The following AGBL4 variants were observed in gnomAD, a reference collection of about 807,000 sequenced individuals.
AGBL4 encodes AGBL carboxypeptidase 4.
Under a neutral mutation model 66.4 loss-of-function variants are expected in AGBL4, and 58 were observed. That is an observed-to-expected ratio of 0.87 (90% CI 0.71 to 1.09). AGBL4 has a LOEUF of 1.09. Ranked by LOEUF, AGBL4 falls within the 50% of genes least tolerant of loss-of-function variation. The pLI is 0.00. For missense variants in AGBL4, 579 were observed against 631.0 expected, an observed-to-expected ratio of 0.92 and a Z score of 0.88; for synonymous variants, 234 against 222.9, an observed-to-expected ratio of 1.05 and a Z score of -0.44.
chr1:49,226,317 C>A (rs1267579344), intron 4 of AGBL4, among the ~76,000 whole-genome samples: 1 of 151,976 alleles, frequency 6.6e-6, no homozygotes, highest in African/African-American at 2.4e-5. Flanking sequence ...TTAAGGTGCA[C>A]AAAGATATTA....
chr1:48,823,334 C>G (rs1646355876), intron 6 of AGBL4, among the ~76,000 whole-genome samples: 1 of 152,336 alleles, frequency 6.6e-6, no homozygotes, highest in Non-Finnish European at 1.5e-5. Flanking sequence ...CCAACATCCC[C>G]TGCTAAGTAA....
intron 5 of AGBL4, among the ~76,000 whole-genome samples, chr1:48,993,524 C>T (rs1571182170): frequency 6.6e-6 from 1 of 152,210 alleles, no homozygotes; most frequent in East Asian, 1.9e-4. Context: ...TGGCTGATGC[C>T]CCTCAAGTTC....
At chr1:50,014,378 A>T (rs965721804) in intron 1 of AGBL4, among the ~76,000 whole-genome samples, 13 of 151,792 alleles carry the variant, frequency 8.6e-5, no homozygotes, top group Non-Finnish European at 1.8e-4. Flanking sequence ...AAAAAAAAAA[A>T]AGATAAAGAA....
chr1:48,769,563 ACACACAC>A (rs912075423), intron 6 of AGBL4, among the ~76,000 whole-genome samples: 3 of 147,214 alleles, frequency 2.0e-5, no homozygotes, highest in East Asian at 4.0e-4. Context: ...ACACACACAC[ACACACAC>A]AAGTTAAATT....
chr1:49,247,816 A>G (rs1251904574), intron 3 of AGBL4, among the ~76,000 whole-genome samples: 1 of 152,136 alleles, frequency 6.6e-6, no homozygotes, highest in Non-Finnish European at 1.5e-5. Context: ...ATGCTACATT[A>G]TTTGTTTACT....
intron 3 of AGBL4, among the ~76,000 whole-genome samples, chr1:49,548,717 G>A (rs191204473): frequency 0.011 from 1,718 of 152,196 alleles, 12 homozygotes; most frequent in Non-Finnish European, 0.018. Flanking sequence ...TGTTCATCAA[G>A]GATATCAGTC....
intron 9 of AGBL4, among the ~76,000 whole-genome samples, chr1:48,616,257 G>C (rs1645316098): frequency 6.6e-6 from 1 of 152,138 alleles, no homozygotes; most frequent in Non-Finnish European, 1.5e-5. Context: ...AGTGTTTCCT[G>C]TGCATTAAAA....
intron 3 of AGBL4, among the ~76,000 whole-genome samples, chr1:49,510,995 T>C (rs1649185666): frequency 6.6e-6 from 1 of 151,822 alleles, no homozygotes; most frequent in Non-Finnish European, 1.5e-5. Flanking sequence ...AGCCTTGTAG[T>C]ATAGTTTGAA....
intron 3 of AGBL4, among the ~76,000 whole-genome samples, chr1:49,609,062 T>C (rs996740165): frequency 2.0e-5 from 3 of 152,188 alleles, no homozygotes; most frequent in Admixed American, 6.5e-5. Flanking sequence ...GCTACTGTCA[T>C]TTCTGCTACA....
At chr1:48,748,814 G>A (rs1224568903) in intron 6 of AGBL4, among the ~76,000 whole-genome samples, 1 of 152,102 alleles carries the variant, frequency 6.6e-6, no homozygotes, top group Non-Finnish European at 1.5e-5. Context: ...GGGAGGTGGG[G>A]GAGTAGTGAG....
At chr1:49,294,902 T>C (rs1226727979) in intron 3 of AGBL4, among the ~76,000 whole-genome samples, 2 of 152,248 alleles carry the variant, frequency 1.3e-5, no homozygotes, top group Admixed American at 1.3e-4. Flanking sequence ...ACTTGTTTAC[T>C]TGTCTGCATC....
chr1:48,915,628 C>T (rs2148886318), intron 5 of AGBL4, among the ~76,000 whole-genome samples: 1 of 152,232 alleles, frequency 6.6e-6, no homozygotes, highest in Non-Finnish European at 1.5e-5. Context: ...GAATCAGCAT[C>T]ACCTGGGAAC....
At chr1:49,466,532 A>G (rs1473491396) in intron 3 of AGBL4, among the ~76,000 whole-genome samples, 5 of 151,858 alleles carry the variant, frequency 3.3e-5, no homozygotes, top group Non-Finnish European at 4.4e-5. Context: ...CAGCCCTGTA[A>G]TTAAAATGCA....
chr1:49,237,767 G>T (rs751421145), intron 4 of AGBL4, among the ~76,000 whole-genome samples: 2 of 151,684 alleles, frequency 1.3e-5, no homozygotes, highest in Admixed American at 1.3e-4. Context: ...AGAAAAAAAG[G>T]TCTACAGTAT....
intron 2 of AGBL4, among the ~76,000 whole-genome samples, chr1:49,713,883 C>A (rs1647870183): frequency 6.6e-6 from 1 of 151,904 alleles, no homozygotes; most frequent in African/African-American, 2.4e-5. Context: ...CCTACCTCAG[C>A]CTACAGAGTA....
At chr1:49,567,378 G>A (rs1018026746) in intron 3 of AGBL4, among the ~76,000 whole-genome samples, 47 of 152,070 alleles carry the variant, frequency 3.1e-4, no homozygotes, top group African/African-American at 5.3e-4. Context: ...GAAATCACCC[G>A]TCTTCTGCAT....
At chr1:49,227,378 CTT>C (rs1169200035) in intron 4 of AGBL4, among the ~76,000 whole-genome samples, 1 of 152,148 alleles carries the variant, frequency 6.6e-6, no homozygotes, top group Non-Finnish European at 1.5e-5. Context: ...AATTTAGACT[CTT>C]AACATTTTTT....
Position 49,045,679 on chromosome 1 carries a change from A to G in AGBL4, c.499T>C (p.Tyr167His). The G allele has an allele frequency of 6.4e-7, 1 of 1,571,910 alleles. No homozygotes were observed. Among genetic ancestry groups the G allele is most frequent in the Non-Finnish European group, 8.6e-7 (1 of 1,156,932 alleles). Reference sequence around the variant, plus strand: ...TGGAAGCGAGTGTATGTATATGGGTAGCAGTAAGCAAACTGGTAAATATCT... The same window carrying G: ...TGGAAGCGAGTGTATGTATATGGGTGGCAGTAAGCAAACTGGTAAATATCT... ...EEDIYQFAYC[Y>H]PYTYTRFQHY... is the part of the protein sequence containing the mutation. Residue 167 changes from tyrosine (Y) to histidine (H), a missense_variant, in exon 5 of 14, where the codon TAC (tyrosine) becomes CAC (histidine). By Grantham distance (83) the Tyr-to-His change is moderately conservative (BLOSUM62 2). Coordinates refer to ENST00000371839, the MANE Select transcript of AGBL4 (RefSeq NM_032785.4).
chr1:49,866,906 G>T (rs1458157603), intron 1 of AGBL4, among the ~76,000 whole-genome samples: 3 of 151,702 alleles, frequency 2.0e-5, no homozygotes, highest in Non-Finnish European at 4.4e-5. Context: ...AAATGTTCTT[G>T]GCGTGGGTCT....
Sources: allele counts gnomAD v4.1 joint callset (sites outside exome capture counted in the v4.1 genomes callset), GRCh38; gene constraint gnomAD v4.1.1; transcripts MANE v1.5; gene names NCBI Gene and HGNC (gene_info 2026-07-23, HGNC 2026-07-21).